The following ERICH3 variants were observed in gnomAD, a reference collection of about 807,000 sequenced individuals.
ERICH3 encodes glutamate-rich protein 3.
Under a neutral mutation model 131.1 loss-of-function variants are expected in ERICH3, and 126 were observed. The observed-to-expected ratio is 0.96, with a 90% CI of 0.83 to 1.11. The LOEUF is 1.11. ERICH3 is among the 50% of genes most tolerant of loss of function. The pLI, the probability that ERICH3 is intolerant of heterozygous loss-of-function variation, is 0.00. For missense variants in ERICH3, 2,050 were observed against 1,810.7 expected (o/e 1.13, Z -2.40); for synonymous variants, 695 against 644.6 (o/e 1.08, Z -1.18).
intron 8 of ERICH3, 70 bp from the exon 9 acceptor site, chr1:74,612,879 T>C: frequency 2.3e-6 from 3 of 1,301,780 alleles, no homozygotes; most frequent in Non-Finnish European, 3.2e-6. Context: ...AATCATGTTT[T>C]TCTATTAGAT....
At chr1:74,576,024 T>C (rs1235657876) in intron 13 of ERICH3, among the ~76,000 whole-genome samples, 1 of 152,114 alleles carries the variant, frequency 6.6e-6, no homozygotes, top group Non-Finnish European at 1.5e-5. Flanking sequence ...GTGGAATGAG[T>C]GTGTACTTGG....
At chr1:74,589,394 C>T (rs1056279951) in intron 12 of ERICH3, 8 of 547,472 alleles carry the variant, frequency 1.5e-5, no homozygotes, top group African/African-American at 1.9e-5. Context: ...GGGAATTTAC[C>T]GAAAATAGGA....
chr1:74,572,640 G>A lies in ERICH3; in HGVS notation c.3070C>T (p.Leu1024Phe), dbSNP rs1646974587. The part of the protein sequence containing the change: ...EEGSLAKEAF[L>F]CKEDVEGEEM... The stretch of plus-strand genomic sequence containing the variant: ...TCCCCTTCCACATCTTCCTTGCAAA[G>A]GAAGGCTTCCTTTGCAAGGCTTCCT... Residue 1024 changes from leucine to phenylalanine, a missense_variant, in exon 14 of 15, where the codon CTT (leucine) becomes TTT (phenylalanine). Physicochemically the swap from Leu to Phe is conservative, Grantham distance 22 (BLOSUM62 0). Transcript: ENST00000326665. 1 of 1,613,816 alleles carries A rather than the reference G, an allele frequency of 6.2e-7. No homozygotes were observed. Among genetic ancestry groups the A allele is most frequent in the African/African-American group, 1.3e-5 (1 of 74,942 alleles).
At chr1:74,656,948 T>C (rs1646590755) in intron 1 of ERICH3, among the ~76,000 whole-genome samples, 1 of 152,190 alleles carries the variant, frequency 6.6e-6, no homozygotes, top group Non-Finnish European at 1.5e-5. Context: ...TATAAGGTGT[T>C]GTATGGAGCT....
intron 1 of ERICH3, among the ~76,000 whole-genome samples, chr1:74,659,021 G>A (rs571031571): frequency 1.3e-4 from 20 of 152,276 alleles, no homozygotes; most frequent in African/African-American, 4.8e-4. Context: ...ATTTGCCTGT[G>A]CTCTGAAAGG....
chr1:74,586,062 T>C (rs1264219685), intron 12 of ERICH3, among the ~76,000 whole-genome samples: 2 of 152,098 alleles, frequency 1.3e-5, no homozygotes, highest in Non-Finnish European at 2.9e-5. Flanking sequence ...TTCCTGGCTT[T>C]CACAACCCTC....
intron 2 of ERICH3, among the ~76,000 whole-genome samples, chr1:74,648,099 G>A (rs1455759939): frequency 6.6e-6 from 1 of 152,090 alleles, no homozygotes; most frequent in Non-Finnish European, 1.5e-5. Flanking sequence ...GGGTGACCCT[G>A]AACACTGCTA....
At position 74,573,224 on chromosome 1, in the gene ERICH3, CT is replaced by C; in HGVS notation, c.2485del (p.Arg829GlyfsTer7). ...CCTTTCTATGCCTGGAGGGATCTCC[CT>C]TTTTTCTGTAAACTCTTCTGCCAAT... ...PELAEEFTEKREIPPGIERGA... is the reference protein window; with the variant it reads ...PELAEEFTEKXEIPPGIERGA... On this transcript the variant is annotated frameshift_variant, in exon 14 of 15. Transcript: ENST00000326665. LOFTEE classifies it high-confidence loss of function. The C allele has an allele frequency of 1.2e-6, 2 of 1,611,428 alleles. No individual in the cohort carries two copies. Among genetic ancestry groups the C allele is most frequent in the Middle Eastern group, 1.7e-4 (1 of 6,020 alleles).
At chr1:74,614,000 T>C (rs548498374) in intron 8 of ERICH3, among the ~76,000 whole-genome samples, 5 of 152,360 alleles carry the variant, frequency 3.3e-5, no homozygotes, top group Admixed American at 2.0e-4. Context: ...GATGTAGCTA[T>C]ACCAGTGGTT....
chr1:74,619,144 C>A (rs17095677), intron 8 of ERICH3, among the ~76,000 whole-genome samples: 4,798 of 152,274 alleles, frequency 0.032, 252 homozygotes, highest in African/African-American at 0.11. Context: ...AATGCCGTAA[C>A]AAAACATCCC....
Position 74,620,893 on chromosome 1 carries a change from T to C in ERICH3, c.841A>G (p.Thr281Ala), listed in dbSNP as rs142293107. The C allele has an allele frequency of 2.5e-6, 4 of 1,596,404 alleles. No individual in the cohort carries two copies. The highest frequency in any genetic ancestry group is 3.4e-6 in the Non-Finnish European group (4 of 1,172,838). ...LTKDSRRIHKTSLHSNAAITM... is the reference protein window; with the variant it reads ...LTKDSRRIHKASLHSNAAITM... ...ATAGCTGCATTACTATGTAAGGATG[T>C]TTTATGAATCCTTCTTGAATCCTGA... The change falls in exon 8 of 15, where the codon ACA becomes GCA. Residue 281 changes from threonine to alanine, a missense_variant. Thr to Ala is a moderately conservative substitution (Grantham distance 58). Coordinates refer to ENST00000326665, the MANE Select transcript of ERICH3 (RefSeq NM_001002912.5).
Position 74,571,214 on chromosome 1 carries a change from A to T in ERICH3, c.4496T>A (p.Val1499Glu). The change falls in exon 14 of 15, where the codon GTG becomes GAG. Residue 1499 changes from valine to glutamate, a missense_variant. Coordinates refer to ENST00000326665, the MANE Select transcript of ERICH3 (RefSeq NM_001002912.5). The part of the protein sequence containing the change: ...ESLQAMATLP[V>E]KPDFTETREK... ...TCGGGTTTCAGTGAAATCAGGCTTC[A>T]CTGGAAGTGTTGCCATCGCCTGTAG... The T allele has an allele frequency of 6.2e-7, 1 of 1,614,080 alleles. No individual in the cohort carries two copies. Among genetic ancestry groups the T allele is most frequent in the Non-Finnish European group, 8.5e-7 (1 of 1,180,000 alleles).
At chr1:74,590,151 T>A in intron 11 of ERICH3, 71 bp from the exon 12 acceptor site, 1 of 1,272,812 alleles carries the variant, frequency 7.9e-7, no homozygotes, top group Non-Finnish European at 1.1e-6. Context: ...AAAATTATGT[T>A]AGCAATTAAT....
At chr1:74,612,060 T>C (rs980329384) in intron 9 of ERICH3, among the ~76,000 whole-genome samples, 2 of 152,226 alleles carry the variant, frequency 1.3e-5, no homozygotes, top group African/African-American at 2.4e-5. Flanking sequence ...TCAAACAGAA[T>C]GTTCAGTATG....
At chr1:74,624,257 T>A (rs1649338524) in intron 7 of ERICH3, 1 of 152,136 alleles carries the variant, frequency 6.6e-6, no homozygotes, top group Non-Finnish European at 1.5e-5. Flanking sequence ...AAACACCAAT[T>A]TTGGTTACTA....
intron 12 of ERICH3, among the ~76,000 whole-genome samples, chr1:74,588,322 T>A (rs1647429587): frequency 6.6e-6 from 1 of 152,204 alleles, no homozygotes; most frequent in African/African-American, 2.4e-5. Flanking sequence ...ATGGGACTAC[T>A]AACCTTTGTC....
At chr1:74,646,873 G>A in intron 2 of ERICH3, 81 bp from the exon 3 acceptor site, 1 of 521,182 alleles carries the variant, frequency 1.9e-6, no homozygotes, top group Non-Finnish European at 3.1e-6. Context: ...AGGCTGGAGG[G>A]TGGAGAAGAC....
At chr1:74,585,728 G>A (rs1279673604) in intron 12 of ERICH3, among the ~76,000 whole-genome samples, 2 of 151,246 alleles carry the variant, frequency 1.3e-5, no homozygotes, top group Non-Finnish European at 2.9e-5. Context: ...TCTACCTACA[G>A]TTCCAGTCAG....
At chr1:74,586,599 A>T in intron 12 of ERICH3, 1 of 627,194 alleles carries the variant, frequency 1.6e-6, no homozygotes, top group Non-Finnish European at 2.0e-6. Context: ...TACTTATTGA[A>T]ATTTATCTTA....
Sources: allele counts gnomAD v4.1 joint callset (sites outside exome capture counted in the v4.1 genomes callset), GRCh38; gene constraint gnomAD v4.1.1; transcripts MANE v1.5; gene names NCBI Gene and HGNC (gene_info 2026-07-23, HGNC 2026-07-21).